Variants in TJP1 observed in about 807,000 individuals in gnomAD.
The protein encoded by TJP1 is tight junction protein 1.
TJP1 carries 43 observed loss-of-function variants against 194.2 expected under a neutral mutation model. The observed-to-expected ratio is 0.22, with a 90% CI of 0.17 to 0.29. The LOEUF is 0.29. Ranked by LOEUF, TJP1 falls within the 10% of genes least tolerant of loss-of-function variation. TJP1 has a pLI of 1.00. For synonymous variants in TJP1, 801 were observed against 779.0 expected, an observed-to-expected ratio of 1.03 and a Z score of -0.47; for missense variants, 1,971 against 2,185.7, an observed-to-expected ratio of 0.90 and a Z score of 1.96.
intron 2 of TJP1, among the ~76,000 whole-genome samples, chr15:29,912,485 G>A (rs924691815): frequency 3.4e-4 from 51 of 152,168 alleles, no homozygotes; most frequent in African/African-American, 1.1e-3. Flanking sequence ...CAAGACAGGC[G>A]GATCACAAGG....
At chr15:29,734,180 T>C in intron 12 of TJP1, 94 bp downstream of exon 12, 2 of 812,260 alleles carry the variant, frequency 2.5e-6, no homozygotes, top group Non-Finnish European at 3.9e-6. Context: ...ATCACTCAAC[T>C]ATGAGTGACT....
chr15:29,836,431 C>A (rs1310741117), intron 2 of TJP1, among the ~76,000 whole-genome samples: 1 of 151,952 alleles, frequency 6.6e-6, no homozygotes, highest in East Asian at 1.9e-4. Context: ...CGCCACCACG[C>A]CTGGCTAATT....
intron 1 of TJP1, among the ~76,000 whole-genome samples, chr15:29,814,519 G>A (rs1299254629): frequency 6.6e-6 from 1 of 152,140 alleles, no homozygotes; most frequent in African/African-American, 2.4e-5. Context: ...GTGATATTCA[G>A]TTACCAGAAA....
intron 10 of TJP1, among the ~76,000 whole-genome samples, chr15:29,738,865 TAAAAAAAAAAAA>T (rs71103406): frequency 1.4e-4 from 7 of 48,864 alleles, no homozygotes; most frequent in African/African-American, 2.8e-4. Flanking sequence ...CTGTCACTAC[TAAAAAAAAAAAA>T]AAAAAAAAAA....
At chr15:29,777,084 A>G (rs2047063355) in intron 2 of TJP1, among the ~76,000 whole-genome samples, 1 of 152,190 alleles carries the variant, frequency 6.6e-6, no homozygotes, top group Non-Finnish European at 1.5e-5. Context: ...ACTTTAGTAC[A>G]AGGCAGAAGT....
At chr15:29,809,673 C>A (rs1004561048) in intron 1 of TJP1, among the ~76,000 whole-genome samples, 1 of 151,960 alleles carries the variant, frequency 6.6e-6, no homozygotes, top group African/African-American at 2.4e-5. Context: ...GGTGAAACCC[C>A]GTCTCTACTA....
At chr15:29,756,335 T>G (rs2045641012) in intron 8 of TJP1, among the ~76,000 whole-genome samples, 1 of 152,240 alleles carries the variant, frequency 6.6e-6, no homozygotes, top group Middle Eastern at 3.2e-3. Flanking sequence ...GTAATTATTT[T>G]CCCTATGTAT....
At chr15:29,830,192 G>C (rs1178380117) in intron 2 of TJP1, among the ~76,000 whole-genome samples, 2 of 151,824 alleles carry the variant, frequency 1.3e-5, no homozygotes, top group African/African-American at 4.8e-5. Context: ...TAATTCAGTA[G>C]TCTTTTAGTA....
At chr15:29,950,021 ACCTC>A in intron 2 of TJP1, among the ~76,000 whole-genome samples, 1 of 78,610 alleles carries the variant, frequency 1.3e-5, no homozygotes, top group Non-Finnish European at 2.5e-5. Flanking sequence ...CACCACCTCC[ACCTC>A]CACCTTCACC....
intron 1 of TJP1, among the ~76,000 whole-genome samples, chr15:29,819,910 A>G (rs2050208907): frequency 1.3e-5 from 2 of 152,188 alleles, no homozygotes; most frequent in South Asian, 4.1e-4. Flanking sequence ...CGGTAATTCC[A>G]TTTTTAAGAA....
At chr15:29,809,001 C>T (rs1003483837) in intron 1 of TJP1, among the ~76,000 whole-genome samples, 3 of 152,100 alleles carry the variant, frequency 2.0e-5, no homozygotes, top group Non-Finnish European at 4.4e-5. Context: ...CATGGGGCTA[C>T]TCAGCACTTA....
At chr15:29,746,727 G>A (rs1302419544) in intron 8 of TJP1, among the ~76,000 whole-genome samples, 2 of 151,808 alleles carry the variant, frequency 1.3e-5, no homozygotes, top group African/African-American at 2.4e-5. Flanking sequence ...TTTTATTAAC[G>A]TATATTATTA....
At position 29,849,440 on chromosome 15, in the gene TJP1, T is replaced by A. The variant is rs1242829674; in HGVS notation, c.307-48738A>T. On this transcript the variant is annotated intron_variant, in intron 2 of 28. Transcript: ENST00000356107. ...CTTCTTTTTAAAAACAAATTTTATT[T>A]AAAAAAAAAAAAAAAAGACCAGGCA... Among the ~76,000 whole-genome samples the A allele has an allele frequency of 3.6e-3, 492 of 138,546 alleles. 2 individuals are homozygous for A. Among genetic ancestry groups the A allele is most frequent in the African/African-American group, 0.012 (449 of 37,948 alleles). 90.9% of individuals were successfully genotyped at this position (138,546 alleles called of 152,430 possible).
chr15:29,704,447 C>T lies in TJP1; in HGVS notation c.5069-142G>A, dbSNP rs76628456. 4,104 of 921,062 alleles carry T rather than the reference C, an allele frequency of 4.5e-3. 166 individuals carry two copies. In the East Asian group the frequency reaches 0.082, roughly 18 times the overall value. The allele number at this position is 921,062 out of a possible 1,614,324, so 57.1% of individuals were successfully genotyped here. ...TACAGTCGCACTGACCACAAAAAAA[C>T]GTAACAGCAGCCACATATGGAATCT... On this transcript the variant is annotated intron_variant, in intron 26 of 27. Transcript: ENST00000614355.
intron 2 of TJP1, among the ~76,000 whole-genome samples, chr15:29,945,111 A>T (rs1195647473): frequency 6.6e-6 from 1 of 152,142 alleles, no homozygotes; most frequent in Non-Finnish European, 1.5e-5. Flanking sequence ...TCTCATACTA[A>T]CCTTCCTCAC....
At chr15:29,967,577 C>T (rs2056376419) in intron 1 of TJP1, among the ~76,000 whole-genome samples, 1 of 152,210 alleles carries the variant, frequency 6.6e-6, no homozygotes, top group Non-Finnish European at 1.5e-5. Flanking sequence ...AGTGGCACAA[C>T]TGAATTCTGA....
intron 2 of TJP1, among the ~76,000 whole-genome samples, chr15:29,935,089 A>C (rs1027224201): frequency 6.6e-6 from 1 of 152,228 alleles, no homozygotes; most frequent in African/African-American, 2.4e-5. Flanking sequence ...TCCGTGTTCC[A>C]CAGATGTTTC....
chr15:29,795,922 A>C (rs572250365), intron 2 of TJP1, among the ~76,000 whole-genome samples: 258 of 152,250 alleles, frequency 1.7e-3, no homozygotes, highest in South Asian at 3.5e-3. Context: ...TACACACACA[A>C]AAAAAAGCAC....
chr15:29,957,131 T>G (rs1567234779), intron 1 of TJP1, among the ~76,000 whole-genome samples: 1 of 152,110 alleles, frequency 6.6e-6, no homozygotes, highest in Non-Finnish European at 1.5e-5. Flanking sequence ...CTAAACATGA[T>G]AGCACACACT....
Sources: gnomAD v4.1 joint callset for allele counts (sites outside exome capture counted in the v4.1 genomes callset) on GRCh38, gnomAD v4.1.1 for gene constraint, MANE v1.5 for transcripts, NCBI Gene and HGNC (gene_info 2026-07-23, HGNC 2026-07-21) for gene names.